CADPS2: variants seen among roughly 807,000 people sequenced by gnomAD.
CADPS2 encodes calcium dependent secretion activator 2, also known as calcium-dependent secretion activator 2.
Under a neutral mutation model 172.5 loss-of-function variants are expected in CADPS2, and 93 were observed. That is an observed-to-expected ratio of 0.54 (90% CI 0.46 to 0.64). The LOEUF is 0.64. CADPS2 is among the 30% of genes least tolerant of loss of function. The probability of loss-of-function intolerance (pLI) is 0.00; values close to 1 mark genes in which losing one functional copy is unlikely to be tolerated. For synonymous variants in CADPS2, 546 were observed against 555.2 expected, an observed-to-expected ratio of 0.98 and a Z score of 0.23; for missense variants, 1,420 against 1,565.9, an observed-to-expected ratio of 0.91 and a Z score of 1.57.
intron 3 of CADPS2, among the ~76,000 whole-genome samples, chr7:122,641,120 A>G (rs1174720109): frequency 6.6e-6 from 1 of 151,954 alleles, no homozygotes; most frequent in East Asian, 1.9e-4. Context: ...TGATTTCAAC[A>G]TTTTATTTAA....
At chr7:122,718,059 G>T (rs2089894665) in intron 2 of CADPS2, among the ~76,000 whole-genome samples, 1 of 127,782 alleles carries the variant, frequency 7.8e-6, no homozygotes, top group Admixed American at 1.0e-4. Flanking sequence ...CGAACTCCTG[G>T]ACTCAAAGCG....
intron 25 of CADPS2, among the ~76,000 whole-genome samples, chr7:122,367,552 T>G (rs2041105161): frequency 1.4e-5 from 2 of 145,184 alleles, no homozygotes; most frequent in South Asian, 4.5e-4. Flanking sequence ...TTTTTTTTTT[T>G]TTTTTTTTTT....
chr7:122,815,748 T>C (rs1320424599), intron 1 of CADPS2, among the ~76,000 whole-genome samples: 2 of 152,206 alleles, frequency 1.3e-5, no homozygotes, highest in Non-Finnish European at 2.9e-5. Flanking sequence ...CAGTCACTGA[T>C]AGAAGAAGTT....
intron 1 of CADPS2, among the ~76,000 whole-genome samples, chr7:122,861,747 C>T (rs914838052): frequency 9.8e-5 from 15 of 152,334 alleles, no homozygotes; most frequent in Non-Finnish European, 1.9e-4. Flanking sequence ...TCGATCATTA[C>T]GCACTATGCG....
intron 27 of CADPS2, among the ~76,000 whole-genome samples, chr7:122,359,024 G>A (rs1563143000): frequency 6.6e-6 from 1 of 151,870 alleles, no homozygotes; most frequent in Non-Finnish European, 1.5e-5. Context: ...ACCATTTGAG[G>A]GCAAGAAATG....
At chr7:122,568,476 T>C (rs1254336495) in intron 7 of CADPS2, among the ~76,000 whole-genome samples, 2 of 152,056 alleles carry the variant, frequency 1.3e-5, no homozygotes, top group African/African-American at 4.8e-5. Context: ...GATATTTCAA[T>C]ACCTAATAGC....
At chr7:122,829,095 CA>C (rs1805758841) in intron 1 of CADPS2, among the ~76,000 whole-genome samples, 1 of 151,978 alleles carries the variant, frequency 6.6e-6, no homozygotes, top group Non-Finnish European at 1.5e-5. Context: ...AATCAGATAC[CA>C]AAAATATGAT....
chr7:122,739,402 A>G (rs1035309010), intron 1 of CADPS2, among the ~76,000 whole-genome samples: 13 of 152,190 alleles, frequency 8.5e-5, no homozygotes, highest in Non-Finnish European at 1.9e-4. Context: ...CTAAACTACA[A>G]TATTTGCAAT....
At chr7:122,822,045 C>G (rs1433157057) in intron 1 of CADPS2, among the ~76,000 whole-genome samples, 3 of 152,006 alleles carry the variant, frequency 2.0e-5, no homozygotes. Flanking sequence ...CTCATACACG[C>G]CCTGCTCTTG....
At chr7:122,774,622 G>C (rs962557251) in intron 1 of CADPS2, among the ~76,000 whole-genome samples, 2 of 152,070 alleles carry the variant, frequency 1.3e-5, no homozygotes, top group East Asian at 3.9e-4. Context: ...CAATTCTGCA[G>C]TCTAATTTCA....
chr7:122,767,567 G>A (rs941250508), intron 1 of CADPS2, among the ~76,000 whole-genome samples: 1 of 152,068 alleles, frequency 6.6e-6, no homozygotes, highest in African/African-American at 2.4e-5. Context: ...GCATTCAAAC[G>A]CATACAGTTA....
At chr7:122,727,718 C>A (rs2137369178) in intron 2 of CADPS2, among the ~76,000 whole-genome samples, 1 of 151,982 alleles carries the variant, frequency 6.6e-6, no homozygotes, top group African/African-American at 2.4e-5. Context: ...ATGCAGGCAA[C>A]TTTACAGAAC....
chr7:122,639,190 AAATT>A (rs1479061553), intron 3 of CADPS2, among the ~76,000 whole-genome samples: 2 of 152,220 alleles, frequency 1.3e-5, no homozygotes, highest in Non-Finnish European at 2.9e-5. Context: ...TGAAGGGGAT[AAATT>A]AGTTGGTTAA....
At chr7:122,569,705 C>T (rs2066951974) in intron 7 of CADPS2, among the ~76,000 whole-genome samples, 1 of 146,028 alleles carries the variant, frequency 6.8e-6, no homozygotes, top group Admixed American at 6.9e-5. Context: ...TGGAACAGAA[C>T]AGAGCCCTCA....
chr7:122,880,460 C>T (rs1013220946), intron 1 of CADPS2, among the ~76,000 whole-genome samples: 1 of 152,136 alleles, frequency 6.6e-6, no homozygotes, highest in African/African-American at 2.4e-5. Context: ...CTTCGAGTAT[C>T]CCCATTACCT....
At chr7:122,420,893 G>A (rs1585854643) in intron 17 of CADPS2, 1 of 152,278 alleles carries the variant, frequency 6.6e-6, no homozygotes, top group East Asian at 1.9e-4. Context: ...ATACATTTAA[G>A]AAGAGATCCT....
chr7:122,516,925 A>C (rs192951426), intron 8 of CADPS2, among the ~76,000 whole-genome samples: 12 of 151,752 alleles, frequency 7.9e-5, no homozygotes, highest in Non-Finnish European at 1.5e-5. Context: ...GTTTACATAA[A>C]GTAAAATTAC....
At chr7:122,755,722 G>T (rs1275001266) in intron 1 of CADPS2, among the ~76,000 whole-genome samples, 5 of 150,226 alleles carry the variant, frequency 3.3e-5, no homozygotes, top group African/African-American at 1.2e-4. Flanking sequence ...ACAAAATTTA[G>T]AGAGGCTAAA....
chr7:122,369,134 C>A (rs1199722969), intron 25 of CADPS2, among the ~76,000 whole-genome samples: 1 of 92,122 alleles, frequency 1.1e-5, no homozygotes, highest in Non-Finnish European at 2.0e-5. Context: ...GTTTCCCCCC[C>A]CCCCCCCCTT....
Sources: gnomAD v4.1 joint callset for allele counts (sites outside exome capture counted in the v4.1 genomes callset) on GRCh38, gnomAD v4.1.1 for gene constraint, MANE v1.5 for transcripts, NCBI Gene and HGNC (gene_info 2026-07-23, HGNC 2026-07-21) for gene names.